The following KIF5C variants were observed in gnomAD, a reference collection of about 807,000 sequenced individuals.
KIF5C encodes the protein kinesin heavy chain isoform 5C.
KIF5C carries 18 observed loss-of-function variants against 125.2 expected under a neutral mutation model. The ratio of observed to expected loss-of-function variants is 0.14; its 90% confidence interval spans 0.10 to 0.21. The LOEUF (loss-of-function observed/expected upper bound fraction) is 0.21. Among genes scored for constraint, KIF5C ranks in the 10% least tolerant of loss-of-function variants. The pLI is 1.00. For missense variants in KIF5C, 780 were observed against 1,183.8 expected (o/e 0.66, Z 5.01); for synonymous variants, 405 against 434.0 (o/e 0.93, Z 0.83).
chr2:148,985,793 G>A (rs1398207698), intron 15 of KIF5C, among the ~76,000 whole-genome samples: 1 of 152,176 alleles, frequency 6.6e-6, no homozygotes, highest in Admixed American at 6.5e-5. Flanking sequence ...TCTGGGAAAT[G>A]TTGAAAGCCG....
In KIF5C at chr2:148,990,800, T is replaced by G. The variant is rs7608538; in HGVS notation, c.1717-210T>G. On this transcript the variant is annotated intron_variant, in intron 15 of 25. Coordinates refer to ENST00000435030, the MANE Select transcript of KIF5C (RefSeq NM_004522.3). ...ATGAAAAACCTAGTTAATTGAGGAT[T>G]ATATTTAGTAGGGGGTTTCAACTGA... Among the ~76,000 whole-genome samples the G allele has an allele frequency of 0.012, 1,852 of 152,306 alleles. 38 individuals carry two copies. The highest frequency in any genetic ancestry group is 0.042 in the African/African-American group (1,728 of 41,552).
chr2:148,957,425 C>T (rs1036203951), intron 10 of KIF5C, among the ~76,000 whole-genome samples: 21 of 151,966 alleles, frequency 1.4e-4, no homozygotes, highest in African/African-American at 4.6e-4. Context: ...CATTAGGCTC[C>T]TTCATTCTCT....
chr2:148,961,025 A>T (rs1262342884), intron 10 of KIF5C, among the ~76,000 whole-genome samples: 1 of 152,086 alleles, frequency 6.6e-6, no homozygotes, highest in African/African-American at 2.4e-5. Flanking sequence ...TTTGCTCTCC[A>T]CAGTTGCCCC....
chr2:148,933,287 A>G (rs1390751196), intron 3 of KIF5C, among the ~76,000 whole-genome samples: 1 of 152,056 alleles, frequency 6.6e-6, no homozygotes, highest in Non-Finnish European at 1.5e-5. Flanking sequence ...CTGAATTTCT[A>G]TAGCTCTCGG....
chr2:148,996,967 G>A lies in KIF5C; in HGVS notation c.2024-297G>A, dbSNP rs6747505. Among the ~76,000 whole-genome samples the A allele has an allele frequency of 0.016, 2,416 of 152,210 alleles. 64 individuals carry two copies. The highest frequency in any genetic ancestry group is 0.055 in the African/African-American group (2,289 of 41,528). ...GGGAAACAAGCCCTCCCAGGTGTGC[G>A]GTGACATAAAGCCAGAGTGCAGTCC... On this transcript the variant is annotated intron_variant, in intron 17 of 25. Coordinates refer to ENST00000435030, the MANE Select transcript of KIF5C (RefSeq NM_004522.3).
chr2:148,903,572 A>G (rs1437535502), intron 1 of KIF5C, among the ~76,000 whole-genome samples: 1 of 152,198 alleles, frequency 6.6e-6, no homozygotes, highest in African/African-American at 2.4e-5. Flanking sequence ...CACTGTCTGA[A>G]GCAGTAGTAT....
intron 25 of KIF5C, among the ~76,000 whole-genome samples, chr2:149,015,680 G>A (rs1052108048): frequency 1.3e-5 from 2 of 152,222 alleles, no homozygotes; most frequent in Non-Finnish European, 2.9e-5. Flanking sequence ...AAATCCACAG[G>A]GGGCTGCCTC....
At chr2:148,901,403 G>A (rs1183237264) in intron 1 of KIF5C, among the ~76,000 whole-genome samples, 2 of 152,208 alleles carry the variant, frequency 1.3e-5, no homozygotes, top group African/African-American at 4.8e-5. Flanking sequence ...GGGGCTGGGA[G>A]GTGGTGAGCA....
intron 25 of KIF5C, among the ~76,000 whole-genome samples, chr2:149,015,354 T>C (rs910054211): frequency 6.6e-6 from 1 of 152,232 alleles, no homozygotes. Flanking sequence ...ATTGAAAATA[T>C]GGAATTCATT....
In KIF5C at chr2:148,909,314, G is replaced by A. The variant is rs115353384; in HGVS notation, c.127-12823G>A. ...GCAGTGCCCTGCCGCTGCTCTTCCC[G>A]CTGCTGGCAAGCCTCCAGGCTTCTG... is the stretch of plus-strand genomic sequence containing the variant. On this transcript the variant is annotated intron_variant, in intron 1 of 25. Coordinates refer to ENST00000435030, the MANE Select transcript of KIF5C (RefSeq NM_004522.3). Among the ~76,000 whole-genome samples the A allele has an allele frequency of 9.0e-3, 1,367 of 152,280 alleles. 14 individuals are homozygous for A. The highest frequency in any genetic ancestry group is 0.031 in the African/African-American group (1,279 of 41,542).
Position 148,994,434 on chromosome 2 carries a change from T to C in KIF5C, c.1919T>C (p.Ile640Thr). 2 of 1,565,162 alleles carry C rather than the reference T, an allele frequency of 1.3e-6. No individual in the cohort carries two copies. Among genetic ancestry groups the C allele is most frequent in the Non-Finnish European group, 1.7e-6 (2 of 1,154,996 alleles). ...QLLISQHEAK[I>T]KSLTDYMQNM... is the part of the protein sequence containing the mutation. ...GCTTGTTTAAAGCACGAAGCCAAGA[T>C]CAAGTCTCTGACAGACTACATGCAG... Residue 640 changes from isoleucine to threonine, a missense_variant, in exon 17 of 26, where the codon ATC becomes ACC. Ile to Thr is a moderately conservative substitution (Grantham distance 89). Coordinates refer to ENST00000435030, the MANE Select transcript of KIF5C (RefSeq NM_004522.3).
At chr2:148,890,041 G>A (rs1251017623) in intron 1 of KIF5C, among the ~76,000 whole-genome samples, 1 of 152,276 alleles carries the variant, frequency 6.6e-6, no homozygotes, top group East Asian at 1.9e-4. Context: ...CGTAGGTTTA[G>A]TCACTCAAAT....
intron 16 of KIF5C, among the ~76,000 whole-genome samples, chr2:148,992,501 G>A (rs975223468): frequency 4.6e-5 from 7 of 152,072 alleles, no homozygotes; most frequent in Non-Finnish European, 8.8e-5. Flanking sequence ...GTGTTATTTT[G>A]CATTATAATA....
At chr2:148,942,783 C>G in intron 7 of KIF5C, 23 bp downstream of exon 7, 1 of 1,597,496 alleles carries the variant, frequency 6.3e-7, no homozygotes, top group Non-Finnish European at 8.5e-7. Context: ...GGGGTGTTTC[C>G]TCCCCTGCAG....
chr2:148,915,442 T>C (rs561459951), intron 1 of KIF5C, among the ~76,000 whole-genome samples: 3 of 152,280 alleles, frequency 2.0e-5, no homozygotes, highest in South Asian at 2.1e-4. Context: ...CGTGGGACCA[T>C]TGCTTGGCAA....
At chr2:148,998,791 T>G in intron 19 of KIF5C, 1 of 259,018 alleles carries the variant, frequency 3.9e-6, no homozygotes, top group Non-Finnish European at 6.9e-6. Context: ...GATGGACGCA[T>G]GCCCCAGTAG....
intron 3 of KIF5C, among the ~76,000 whole-genome samples, chr2:148,932,178 C>T (rs988789124): frequency 6.6e-6 from 1 of 152,172 alleles, no homozygotes; most frequent in East Asian, 1.9e-4. Context: ...TCTGCATTCT[C>T]TGAAAGGAGG....
intron 3 of KIF5C, among the ~76,000 whole-genome samples, chr2:148,930,667 G>A (rs1682158155): frequency 1.3e-5 from 2 of 152,214 alleles, no homozygotes; most frequent in South Asian, 4.1e-4. Context: ...CTGATTTCAA[G>A]TGTGGGGTAC....
intron 24 of KIF5C, among the ~76,000 whole-genome samples, chr2:149,010,822 AG>A (rs1340283128): frequency 2.0e-5 from 3 of 152,214 alleles, no homozygotes; most frequent in Non-Finnish European, 4.4e-5. Context: ...CATCCATGAC[AG>A]GGTGTGGCTA....
Sources: allele counts gnomAD v4.1 joint callset (sites outside exome capture counted in the v4.1 genomes callset), GRCh38; gene constraint gnomAD v4.1.1; transcripts MANE v1.5; gene names NCBI Gene and HGNC (gene_info 2026-07-23, HGNC 2026-07-21).